The following MYH10 variants were observed in gnomAD, a reference collection of about 807,000 sequenced individuals.
MYH10 encodes the protein myosin heavy chain 10, also known as myosin-10.
Under a neutral mutation model 257.8 loss-of-function variants are expected in MYH10, and 55 were observed. That is an observed-to-expected ratio of 0.21 (90% CI 0.17 to 0.27). MYH10 has a LOEUF of 0.27. Among genes scored for constraint, MYH10 ranks in the 10% least tolerant of loss-of-function variants. The pLI is 1.00. For missense variants in MYH10, 1,631 were observed against 2,500.6 expected (o/e 0.65, Z 7.42); for synonymous variants, 854 against 921.7 (o/e 0.93, Z 1.33).
intron 2 of MYH10, among the ~76,000 whole-genome samples, chr17:8,608,955 C>G (rs769495263): frequency 1.3e-5 from 2 of 152,168 alleles, no homozygotes; most frequent in Non-Finnish European, 2.9e-5. Context: ...GGACTACAGG[C>G]GCCTGCCACC....
At position 8,542,128 on chromosome 17, in the gene MYH10, G is replaced by C. The variant is rs767406783; in HGVS notation, c.1584C>G (p.Cys528Trp). ...TTACAGGTCTCTCTATTAGGTCGAT[G>C]CATGGCTGCAGATCCAGCCCGAAAT... ...FIDFGLDLQP[C>W]IDLIERPANP... Residue 528 changes from cysteine (C) to tryptophan (W), a missense_variant, in exon 14 of 43, where the codon TGC becomes TGG. Cys to Trp is a radical substitution (Grantham distance 215, BLOSUM62 -2). Coordinates refer to ENST00000360416, the MANE Select transcript of MYH10 (RefSeq NM_001256012.3). The C allele has an allele frequency of 6.2e-7, 1 of 1,614,104 alleles. No homozygotes were observed. The highest frequency in any genetic ancestry group is 8.5e-7 in the Non-Finnish European group (1 of 1,179,978).
intron 2 of MYH10, among the ~76,000 whole-genome samples, chr17:8,611,780 G>A (rs1235978896): frequency 6.6e-6 from 1 of 152,152 alleles, no homozygotes; most frequent in Non-Finnish European, 1.5e-5. Flanking sequence ...AAACGATCTG[G>A]AGCATGTGAA....
intron 9 of MYH10, among the ~76,000 whole-genome samples, chr17:8,549,163 C>T (rs958447019): frequency 2.6e-5 from 4 of 152,216 alleles, no homozygotes; most frequent in Admixed American, 1.3e-4. Flanking sequence ...AGCTTTTAAA[C>T]TCATATTCTA....
chr17:8,563,580 G>A (rs2083064250), intron 7 of MYH10, among the ~76,000 whole-genome samples: 2 of 152,194 alleles, frequency 1.3e-5, no homozygotes, highest in South Asian at 2.1e-4. Context: ...GAAGATGCTG[G>A]TTGCCTGGTG....
chr17:8,593,839 A>G (rs2084261482), intron 3 of MYH10, among the ~76,000 whole-genome samples: 1 of 152,182 alleles, frequency 6.6e-6, no homozygotes, highest in Admixed American at 6.5e-5. Flanking sequence ...GATTTCTAAA[A>G]TTTATACCTA....
chr17:8,482,588 GAGGGACCCACGGGAGAAAGGA>G (rs1440304624), intron 37 of MYH10, among the ~76,000 whole-genome samples: 2 of 152,200 alleles, frequency 1.3e-5, no homozygotes, highest in South Asian at 2.1e-4. Flanking sequence ...TAGGCAGACT[GAGGGACCCACGGGAGAAAGGA>G]AGGGACCCCG....
At chr17:8,510,040 ATTTTT>A in intron 24 of MYH10, 91 bp from the exon 25 acceptor site, 3 of 909,810 alleles carry the variant, frequency 3.3e-6, no homozygotes, top group Non-Finnish European at 4.4e-6. Flanking sequence ...TGAGATACTA[ATTTTT>A]TTTTTTTTTT....
chr17:8,490,602 T>G lies in MYH10; in HGVS notation c.4672-50A>C, dbSNP rs777908464. The G allele has an allele frequency of 1.3e-6, 2 of 1,570,600 alleles. No individual in the cohort carries two copies. The highest frequency in any genetic ancestry group is 2.2e-5 in the East Asian group (1 of 44,554). ...GAGTTGACCGGGGTGGAGGCACATA[T>G]GAAGAACAGCAGTCTTACTGTTTTA... is the stretch of plus-strand genomic sequence containing the variant. On this transcript the variant is annotated intron_variant, in intron 34 of 42. Transcript: ENST00000360416. This position sits in a 1 kb window ranked among gnomAD's most constrained non-coding sequence, Gnocchi z 4.1.
Position 8,521,277 on chromosome 17 carries a change from T to C in MYH10, c.1966A>G (p.Ile656Val). 1 of 1,614,104 alleles carries C rather than the reference T, an allele frequency of 6.2e-7. No individual in the cohort carries two copies. The highest frequency in any genetic ancestry group is 8.5e-7 in the Non-Finnish European group (1 of 1,179,990). Residue 656 changes from isoleucine to valine, a missense_variant, in exon 18 of 43, where the codon ATC (isoleucine) becomes GTC (valine). Physicochemically the swap from Ile to Val is conservative, Grantham distance 29. Transcript: ENST00000360416. ...CCAGTGACTTGATCCAGACCCACGA[T>C]ACGGTCCACTGGGGAGAAGAAAGGA... ...SGLHEPPVDR[I>V]VGLDQVTGMT...
At chr17:8,571,201 G>C (rs1221565106) in intron 6 of MYH10, among the ~76,000 whole-genome samples, 1 of 136,126 alleles carries the variant, frequency 7.3e-6, no homozygotes. Context: ...TTGAGACGGA[G>C]ACTCACTCTG....
At chr17:8,494,280 G>A (rs973101373) in intron 31 of MYH10, among the ~76,000 whole-genome samples, 2 of 152,040 alleles carry the variant, frequency 1.3e-5, no homozygotes, top group Admixed American at 6.5e-5. Flanking sequence ...CACCTCTCCC[G>A]TCTTAGGCAT....
chr17:8,527,402 C>T (rs147726776), intron 17 of MYH10, among the ~76,000 whole-genome samples: 2 of 152,318 alleles, frequency 1.3e-5, no homozygotes, highest in African/African-American at 4.8e-5. Context: ...CCATCTAAGG[C>T]GCTGGGCAGA....
At chr17:8,603,302 G>C (rs12942296) in intron 3 of MYH10, among the ~76,000 whole-genome samples, 2 of 152,136 alleles carry the variant, frequency 1.3e-5, no homozygotes, top group South Asian at 4.1e-4. Context: ...GTGCACATCC[G>C]GATAGATCTG....
chr17:8,520,102 C>T (rs955930591), intron 19 of MYH10, among the ~76,000 whole-genome samples: 4 of 152,092 alleles, frequency 2.6e-5, no homozygotes, highest in Admixed American at 2.0e-4. Flanking sequence ...AAAGAAGTAC[C>T]CCAACATGTT....
At chr17:8,625,760 C>T (rs1010869151) in intron 1 of MYH10, among the ~76,000 whole-genome samples, 32 of 152,166 alleles carry the variant, frequency 2.1e-4, no homozygotes, top group Admixed American at 1.7e-3. Flanking sequence ...GGATTACAAG[C>T]GTGAGCCACC....
At chr17:8,572,740 T>C (rs573289285) in intron 6 of MYH10, among the ~76,000 whole-genome samples, 2 of 152,244 alleles carry the variant, frequency 1.3e-5, no homozygotes, top group East Asian at 3.9e-4. Context: ...TCCCACTACA[T>C]TGATAGTGTC....
intron 23 of MYH10, 147 bp downstream of exon 23, chr17:8,513,391 A>G (rs2081361549): frequency 1.1e-5 from 14 of 1,278,286 alleles, no homozygotes; most frequent in Non-Finnish European, 1.5e-5. Flanking sequence ...AATATATACA[A>G]TTTGGAAATG....
intron 28 of MYH10, 107 bp from the exon 29 acceptor site, chr17:8,501,077 CT>C: frequency 8.4e-7 from 1 of 1,190,412 alleles, no homozygotes; most frequent in Non-Finnish European, 1.2e-6. Flanking sequence ...CATAAATTCC[CT>C]TAATAAATAC....
chr17:8,604,315 A>G (rs960702587), intron 3 of MYH10, among the ~76,000 whole-genome samples: 4 of 152,220 alleles, frequency 2.6e-5, no homozygotes, highest in Admixed American at 2.6e-4. Flanking sequence ...GTCTAAAGCC[A>G]GGGTTCAAAT....
Sources: allele counts gnomAD v4.1 joint callset (sites outside exome capture counted in the v4.1 genomes callset), GRCh38; gene constraint gnomAD v4.1.1; non-coding constraint Gnocchi (gnomAD v3.1); transcripts MANE v1.5; gene names NCBI Gene and HGNC (gene_info 2026-07-23, HGNC 2026-07-21).